PLXDC2: variants seen among roughly 807,000 people sequenced by gnomAD.
PLXDC2 encodes the protein plexin domain containing 2.
Under a neutral mutation model 68.9 loss-of-function variants are expected in PLXDC2, and 40 were observed. The ratio of observed to expected loss-of-function variants is 0.58; its 90% CI spans 0.45 to 0.76. PLXDC2 has a LOEUF of 0.76. Among genes scored for constraint, PLXDC2 ranks in the 30% least tolerant of loss-of-function variants. The pLI is 0.00. For missense variants in PLXDC2, 644 were observed against 661.9 expected (o/e 0.97, Z 0.30); for synonymous variants, 243 against 234.2 (o/e 1.04, Z -0.34).
intron 6 of PLXDC2, among the ~76,000 whole-genome samples, chr10:20,161,982 A>G (rs1184174041): frequency 1.3e-5 from 2 of 151,394 alleles, no homozygotes; most frequent in Non-Finnish European, 2.9e-5. Flanking sequence ...AGATTGTGCC[A>G]TTGCACTCCA....
At chr10:20,157,372 A>ACCTTGG (rs1231763504) in intron 6 of PLXDC2, among the ~76,000 whole-genome samples, 10 of 152,196 alleles carry the variant, frequency 6.6e-5, no homozygotes, top group African/African-American at 2.4e-4. Context: ...CATACTATAC[A>ACCTTGG]ATCAAACCCT....
At chr10:19,902,992 G>A (rs1426465653) in intron 1 of PLXDC2, among the ~76,000 whole-genome samples, 2 of 152,128 alleles carry the variant, frequency 1.3e-5, no homozygotes, top group African/African-American at 2.4e-5. Context: ...ACTTACATAT[G>A]TTAAACCATC....
intron 4 of PLXDC2, among the ~76,000 whole-genome samples, chr10:20,121,980 G>T (rs948728531): frequency 6.6e-6 from 1 of 151,988 alleles, no homozygotes; most frequent in Non-Finnish European, 1.5e-5. Flanking sequence ...TTGCCAAGGA[G>T]GGAGTAGAGG....
chr10:19,988,744 A>C (rs974818592), intron 1 of PLXDC2, among the ~76,000 whole-genome samples: 2 of 145,836 alleles, frequency 1.4e-5, no homozygotes, highest in Non-Finnish European at 3.0e-5. Context: ...ATATTGGCAA[A>C]ATTTCAAGTT....
At chr10:20,030,461 A>G (rs1309625302) in intron 2 of PLXDC2, among the ~76,000 whole-genome samples, 1 of 152,200 alleles carries the variant, frequency 6.6e-6, no homozygotes, top group Non-Finnish European at 1.5e-5. Flanking sequence ...TGTGAACAAA[A>G]TCCTCTGAAA....
rs546559021 is a variant in PLXDC2 at position 19,991,902 on chromosome 10, C to T, written c.113-9873C>T. 2.6e-5 allele frequency among the ~76,000 whole-genome samples: 4 copies of T among 152,300 alleles called. No individual in the cohort carries two copies. The East Asian group carries it at 7.7e-4, about 29-fold the overall frequency. On this transcript the variant is annotated intron_variant, in intron 1 of 13. Coordinates refer to ENST00000377252, the MANE Select transcript of PLXDC2 (RefSeq NM_032812.9). ...ATTGGCCATGATTGGTCCTTGTTTA[C>T]AGAATTTTCCATCTCCCCTGGTTGG... is the stretch of plus-strand genomic sequence containing the variant.
chr10:20,047,270 G>A (rs1330114078), intron 3 of PLXDC2, among the ~76,000 whole-genome samples: 1 of 152,048 alleles, frequency 6.6e-6, no homozygotes, highest in East Asian at 1.9e-4. Context: ...CAGTATATCT[G>A]ATGAATGTAT....
intron 2 of PLXDC2, among the ~76,000 whole-genome samples, chr10:20,030,290 A>G (rs1159835761): frequency 6.6e-6 from 1 of 152,198 alleles, no homozygotes; most frequent in Non-Finnish European, 1.5e-5. Context: ...TTCCTTTTAT[A>G]AGGAGATAGG....
chr10:20,255,675 T>C lies in PLXDC2; in HGVS notation c.1473+10170T>C, dbSNP rs536541074. On this transcript the variant is annotated intron_variant, in intron 13 of 13. Transcript: ENST00000377252. ...ACGGCATATTCTGGTTTATAACTAATACTAGAGTTATTTGTGATTGTAAGA... is the reference window on the plus strand; with the variant it reads ...ACGGCATATTCTGGTTTATAACTAACACTAGAGTTATTTGTGATTGTAAGA... Among the ~76,000 whole-genome samples the C allele has an allele frequency of 5.3e-5, 8 of 152,264 alleles. No individual in the cohort carries two copies. The South Asian group carries it at 1.7e-3, about 32-fold the overall frequency.
At chr10:20,211,881 G>T in intron 10 of PLXDC2, 152 bp downstream of exon 10, 5 of 697,014 alleles carry the variant, frequency 7.2e-6, no homozygotes, top group Non-Finnish European at 2.3e-6. Context: ...AATATTAGGG[G>T]TTCGATAACA....
At chr10:20,021,746 C>T (rs556922064) in intron 2 of PLXDC2, among the ~76,000 whole-genome samples, 1 of 151,966 alleles carries the variant, frequency 6.6e-6, no homozygotes, top group African/African-American at 2.4e-5. Flanking sequence ...GTTGCCCAGG[C>T]TGGAGTGCAG....
rs2460599 is a variant in PLXDC2, at chr10:20,136,918, A to G, written c.542-6377A>G. Among the ~76,000 whole-genome samples, 1,210 of 152,202 alleles carry G rather than the reference A, an allele frequency of 7.9e-3. 15 individuals carry two copies. The highest frequency in any genetic ancestry group is 0.027 in the African/African-American group (1,140 of 41,558). ...ATCCTTTATTACTGTGACACTTCCA[A>G]TTAAACAAAACAACCACTTGCAACC... is the stretch of plus-strand genomic sequence containing the variant. On this transcript the variant is annotated intron_variant, in intron 4 of 13. Coordinates refer to ENST00000377252, the MANE Select transcript of PLXDC2 (RefSeq NM_032812.9).
intron 4 of PLXDC2, among the ~76,000 whole-genome samples, chr10:20,120,653 A>G (rs1833684651): frequency 6.6e-6 from 1 of 152,066 alleles, no homozygotes. Context: ...TAGTTATCTG[A>G]CTCGGGGCAT....
At chr10:19,911,979 C>A (rs1342289621) in intron 1 of PLXDC2, among the ~76,000 whole-genome samples, 2 of 152,152 alleles carry the variant, frequency 1.3e-5, no homozygotes, top group South Asian at 2.1e-4. Flanking sequence ...GAAGCTATTT[C>A]TTTTCTCTAT....
At chr10:20,072,493 G>GAGAAAGGAAAGAA (rs1836343582) in intron 4 of PLXDC2, among the ~76,000 whole-genome samples, 4 of 80,704 alleles carry the variant, frequency 5.0e-5, no homozygotes, top group Non-Finnish European at 9.8e-5. Context: ...AAGAAAGAAA[G>GAGAAAGGAAAGAA]AGAAAGAAAG....
intron 2 of PLXDC2, among the ~76,000 whole-genome samples, chr10:20,013,917 G>A (rs1835159010): frequency 6.6e-6 from 1 of 152,136 alleles, no homozygotes; most frequent in South Asian, 2.1e-4. Flanking sequence ...TGGGAGAAAT[G>A]TAGTTAAATA....
At chr10:20,217,355 T>C (rs1835151039) in intron 10 of PLXDC2, 71 bp from the exon 11 acceptor site, 1 of 1,395,808 alleles carries the variant, frequency 7.2e-7, no homozygotes. Context: ...ACAGCCCAGC[T>C]TCTTTGATGT....
At chr10:20,264,991 AG>A (rs1248574413) in intron 13 of PLXDC2, among the ~76,000 whole-genome samples, 8 of 152,310 alleles carry the variant, frequency 5.3e-5, no homozygotes, top group African/African-American at 1.7e-4. Flanking sequence ...AGAAAAAAAA[AG>A]TTTTGTGCAC....
At chr10:19,867,487 A>G (rs1837443194) in intron 1 of PLXDC2, among the ~76,000 whole-genome samples, 1 of 152,118 alleles carries the variant, frequency 6.6e-6, no homozygotes, top group Non-Finnish European at 1.5e-5. Context: ...TTCTATAAGG[A>G]GCCAAACATC....
Sources: gnomAD v4.1 joint callset for allele counts (sites outside exome capture counted in the v4.1 genomes callset) on GRCh38, gnomAD v4.1.1 for gene constraint, MANE v1.5 for transcripts, NCBI Gene and HGNC (gene_info 2026-07-23, HGNC 2026-07-21) for gene names.